The following CPPED1 variants were observed in gnomAD, a reference collection of about 807,000 sequenced individuals.
CPPED1 encodes calcineurin like phosphoesterase domain containing 1, also known as serine/threonine-protein phosphatase CPPED1.
CPPED1 carries 28 observed loss-of-function variants against 28.0 expected under a neutral mutation model. The observed-to-expected ratio is 1.00, with a 90% CI of 0.74 to 1.37. The LOEUF (loss-of-function observed/expected upper bound fraction) is 1.37, where lower values mean the gene tolerates loss of function less well. Among genes scored for constraint, CPPED1 ranks in the 40% most tolerant of loss-of-function variants. The pLI, the probability that CPPED1 is intolerant of heterozygous loss-of-function variation, is 0.00. For missense variants in CPPED1, 504 were observed against 416.5 expected, an observed-to-expected ratio of 1.21 and a Z score of -1.83; for synonymous variants, 198 against 180.2, an observed-to-expected ratio of 1.10 and a Z score of -0.79.
At chr16:12,772,578 G>C (rs779482608) in intron 2 of CPPED1, among the ~76,000 whole-genome samples, 1 of 152,122 alleles carries the variant, frequency 6.6e-6, no homozygotes, top group Admixed American at 6.5e-5. Flanking sequence ...TTCATATTGA[G>C]TCTCTTTGGT....
intron 3 of CPPED1, among the ~76,000 whole-genome samples, chr16:12,691,876 A>G (rs1489379641): frequency 6.7e-6 from 1 of 150,074 alleles, no homozygotes; most frequent in Non-Finnish European, 1.5e-5. Flanking sequence ...TGATGAGTTA[A>G]TGGGTGCAGC....
At chr16:12,756,118 GA>G (rs1231243387) in intron 2 of CPPED1, among the ~76,000 whole-genome samples, 1 of 140,618 alleles carries the variant, frequency 7.1e-6, no homozygotes, top group Non-Finnish European at 1.5e-5. Flanking sequence ...GCAACAGAGC[GA>G]AACTCCGTCA....
At chr16:12,790,782 A>G (rs1484697187) in intron 1 of CPPED1, among the ~76,000 whole-genome samples, 2 of 152,158 alleles carry the variant, frequency 1.3e-5, no homozygotes, top group Middle Eastern at 3.4e-3. Flanking sequence ...TATAAAAATT[A>G]GCCAGGCATG....
intron 2 of CPPED1, among the ~76,000 whole-genome samples, chr16:12,776,406 C>A (rs960775101): frequency 6.6e-6 from 1 of 152,170 alleles, no homozygotes. Context: ...TGGAATAATA[C>A]TGATATGGTT....
chr16:12,785,002 C>CCTTA (rs1279917457), intron 1 of CPPED1, among the ~76,000 whole-genome samples: 1 of 152,176 alleles, frequency 6.6e-6, no homozygotes, highest in Non-Finnish European at 1.5e-5. Context: ...ATTCAATCTA[C>CCTTA]CTTACTTATC....
At chr16:12,755,861 G>A (rs8050678) in intron 2 of CPPED1, among the ~76,000 whole-genome samples, 41,144 of 151,944 alleles carry the variant, frequency 0.27, 6,617 homozygotes, top group African/African-American at 0.45. Flanking sequence ...TGCTGGGTAC[G>A]GTGGCTCACG....
intron 2 of CPPED1, among the ~76,000 whole-genome samples, chr16:12,719,817 T>C (rs1430237460): frequency 2.0e-5 from 3 of 151,768 alleles, no homozygotes; most frequent in Non-Finnish European, 2.9e-5. Flanking sequence ...GTCCTGTAAG[T>C]CCCAGCTACT....
intron 2 of CPPED1, among the ~76,000 whole-genome samples, chr16:12,740,296 T>C (rs930957349): frequency 6.6e-6 from 1 of 151,696 alleles, no homozygotes; most frequent in South Asian, 2.1e-4. Flanking sequence ...AATACAAAAA[T>C]TAGCCGGGCA....
chr16:12,671,617 T>TC (rs1163571393), intron 3 of CPPED1, among the ~76,000 whole-genome samples: 1 of 152,172 alleles, frequency 6.6e-6, no homozygotes, highest in African/African-American at 2.4e-5. Context: ...CTTCCCTACT[T>TC]AAGACAGCCA....
intron 2 of CPPED1, chr16:12,752,951 G>C (rs528325253): frequency 6.6e-6 from 1 of 150,652 alleles, no homozygotes; most frequent in East Asian, 1.9e-4. Context: ...ATCTATTTCC[G>C]CCTCTCTAGC....
At chr16:12,717,401 C>G (rs1158459182) in intron 2 of CPPED1, among the ~76,000 whole-genome samples, 3 of 152,204 alleles carry the variant, frequency 2.0e-5, no homozygotes, top group African/African-American at 7.2e-5. Flanking sequence ...GTAGCTGGGA[C>G]TACAGGCGCC....
At position 12,682,093 on chromosome 16, in the gene CPPED1, G is replaced by T. The variant is rs1008498610; in HGVS notation, c.716-16978C>A. On this transcript the variant is annotated intron_variant, in intron 3 of 3. Coordinates refer to ENST00000381774, the MANE Select transcript of CPPED1 (RefSeq NM_018340.3). The surrounding 1 kb of genome is among the most constrained non-coding windows in gnomAD (Gnocchi z 6.1). ...CGGTCGCCTATGTTGGAGTGCAGTGGCGCGATCTTGGCTCACTGCAACTTG... is the reference window on the plus strand; with the variant it reads ...CGGTCGCCTATGTTGGAGTGCAGTGTCGCGATCTTGGCTCACTGCAACTTG... 6.6e-6 allele frequency among the ~76,000 whole-genome samples: 1 copy of T among 152,016 alleles called. No homozygotes were observed. The highest frequency in any genetic ancestry group is 6.5e-5 in the Admixed American group (1 of 15,268).
chr16:12,736,065 G>C (rs2080225271), intron 2 of CPPED1, among the ~76,000 whole-genome samples: 2 of 152,128 alleles, frequency 1.3e-5, no homozygotes, highest in East Asian at 3.9e-4. Context: ...TTGGTGCCTG[G>C]CACTTCTGTA....
chr16:12,711,072 T>C (rs1308114587), intron 2 of CPPED1, among the ~76,000 whole-genome samples: 1 of 152,170 alleles, frequency 6.6e-6, no homozygotes, highest in African/African-American at 2.4e-5. Context: ...AGCTTAAACA[T>C]GGAAGCAACC....
intron 2 of CPPED1, among the ~76,000 whole-genome samples, chr16:12,725,195 G>C (rs981973895): frequency 6.6e-6 from 1 of 152,144 alleles, no homozygotes; most frequent in African/African-American, 2.4e-5. Context: ...TCAGGTTCAA[G>C]TGATTCTCGT....
chr16:12,773,459 T>C (rs1053523002), intron 2 of CPPED1, among the ~76,000 whole-genome samples: 3 of 152,188 alleles, frequency 2.0e-5, no homozygotes, highest in Non-Finnish European at 2.9e-5. Context: ...TGGTGGCTCA[T>C]GCCTGATAAG....
At chr16:12,707,026 G>A (rs2080055211) in intron 2 of CPPED1, among the ~76,000 whole-genome samples, 1 of 152,190 alleles carries the variant, frequency 6.6e-6, no homozygotes, top group Non-Finnish European at 1.5e-5. Flanking sequence ...GATTGACATT[G>A]CTTCTTTAGC....
At chr16:12,759,744 G>T (rs532846613) in intron 2 of CPPED1, among the ~76,000 whole-genome samples, 1 of 152,316 alleles carries the variant, frequency 6.6e-6, no homozygotes, top group East Asian at 1.9e-4. Flanking sequence ...GTTGCCCCTT[G>T]TGCTCTCTCT....
chr16:12,729,828 A>T (rs1328180854), intron 2 of CPPED1, among the ~76,000 whole-genome samples: 1 of 152,210 alleles, frequency 6.6e-6, no homozygotes, highest in African/African-American at 2.4e-5. Context: ...GAAACTGGAA[A>T]GTACATGGAC....
Sources: gnomAD v4.1 joint callset for allele counts (sites outside exome capture counted in the v4.1 genomes callset) on GRCh38, gnomAD v4.1.1 for gene constraint, Gnocchi (gnomAD v3.1) non-coding constraint, MANE v1.5 for transcripts, NCBI Gene and HGNC (gene_info 2026-07-23, HGNC 2026-07-21) for gene names.